HMCN1: variants seen among roughly 807,000 people sequenced by gnomAD.
HMCN1 encodes hemicentin-1.
HMCN1 carries 321 observed loss-of-function variants against 625.9 expected under a neutral mutation model. The ratio of observed to expected loss-of-function variants is 0.51; its 90% CI spans 0.47 to 0.56. The LOEUF (loss-of-function observed/expected upper bound fraction) is 0.56, where lower values mean the gene tolerates loss of function less well. Among genes scored for constraint, HMCN1 ranks in the 20% least tolerant of loss-of-function variants. The pLI is 0.00. For missense variants in HMCN1, 6,588 were observed against 6,887.3 expected, an observed-to-expected ratio of 0.96 and a Z score of 1.54; for synonymous variants, 2,425 against 2,417.6, an observed-to-expected ratio of 1.00 and a Z score of -0.09.
At chr1:185,916,123 A>T (rs11800990) in intron 6 of HMCN1, among the ~76,000 whole-genome samples, 27,655 of 151,808 alleles carry the variant, frequency 0.18, 7,489 homozygotes, top group African/African-American at 0.59. Flanking sequence ...TACATTTCCT[A>T]ATCACACATT....
intron 4 of HMCN1, among the ~76,000 whole-genome samples, chr1:185,899,045 T>TCCA (rs1558050843): frequency 6.6e-6 from 1 of 152,060 alleles, no homozygotes; most frequent in Non-Finnish European, 1.5e-5. Flanking sequence ...CCCTTCCAAG[T>TCCA]CTCTAAAAAG....
At chr1:185,982,201 TG>T in intron 17 of HMCN1, 60 bp from the exon 18 acceptor site, 1 of 1,561,138 alleles carries the variant, frequency 6.4e-7, no homozygotes. Context: ...GCCTGTGAAG[TG>T]GCTTACCTTT....
intron 8 of HMCN1, among the ~76,000 whole-genome samples, chr1:185,924,695 G>T (rs948331359): frequency 2.6e-5 from 4 of 151,582 alleles, no homozygotes; most frequent in African/African-American, 9.7e-5. Flanking sequence ...AGATATGTGG[G>T]TTCTTAAGTT....
chr1:186,187,988 A>G lies in HMCN1; in HGVS notation c.16520A>G (p.Tyr5507Cys). ...QCIDTPCPPN[Y>C]QRDPVSGFCL... is the part of the protein sequence containing the mutation. The stretch of plus-strand genomic sequence containing the variant: ...ATCGATACACCCTGTCCACCCAACT[A>G]CCAACGGGATCCTGTTTCAGGGTAT... The change falls in exon 106 of 107, where the codon TAC becomes TGC. Residue 5507 changes from tyrosine (Y) to cysteine (C), a missense_variant. By Grantham distance (194) the Tyr-to-Cys change is radical. Coordinates refer to ENST00000271588, the MANE Select transcript of HMCN1 (RefSeq NM_031935.3). 1 of 1,613,804 alleles carries G rather than the reference A, an allele frequency of 6.2e-7. No individual in the cohort carries two copies. The highest frequency in any genetic ancestry group is 8.5e-7 in the Non-Finnish European group (1 of 1,179,806).
chr1:185,979,921 C>T (rs962253248), intron 16 of HMCN1, among the ~76,000 whole-genome samples: 2 of 152,106 alleles, frequency 1.3e-5, no homozygotes, highest in African/African-American at 4.8e-5. Flanking sequence ...CCTGATTGCT[C>T]ACAAGACAAA....
chr1:185,806,510 T>A (rs1659178113), intron 1 of HMCN1, among the ~76,000 whole-genome samples: 1 of 148,652 alleles, frequency 6.7e-6, no homozygotes, highest in Non-Finnish European at 1.5e-5. Context: ...TCATGCCACT[T>A]CGCTGTAGCC....
intron 1 of HMCN1, among the ~76,000 whole-genome samples, chr1:185,841,012 G>GA (rs1661441646): frequency 6.6e-6 from 1 of 152,104 alleles, no homozygotes; most frequent in African/African-American, 2.4e-5. Context: ...AAGTGGAAAG[G>GA]AAAAAGGAAG....
chr1:185,750,794 C>T (rs1654755547), intron 1 of HMCN1, among the ~76,000 whole-genome samples: 1 of 149,350 alleles, frequency 6.7e-6, no homozygotes, highest in Admixed American at 6.7e-5. Flanking sequence ...GTTGATCTTT[C>T]CCCCTCTTTT....
chr1:185,937,266 A>T (rs1571584565), intron 11 of HMCN1, among the ~76,000 whole-genome samples: 1 of 152,298 alleles, frequency 6.6e-6, no homozygotes, highest in Non-Finnish European at 1.5e-5. Flanking sequence ...GTAATTTATA[A>T]TGAACAGAAA....
At chr1:185,995,345 GA>G in intron 24 of HMCN1, among the ~76,000 whole-genome samples, 1 of 152,194 alleles carries the variant, frequency 6.6e-6, no homozygotes, top group Non-Finnish European at 1.5e-5. Context: ...AATCCTAGAT[GA>G]TGCCCCACCC....
rs1239592900 is a variant in HMCN1, at chr1:186,145,892, G to C, written c.14577G>C (p.Gln4859His). The C allele has an allele frequency of 6.2e-7, 1 of 1,613,952 alleles. No homozygotes were observed. The highest frequency in any genetic ancestry group is 1.3e-5 in the African/African-American group (1 of 74,890). The change falls in exon 93 of 107, where the codon CAG becomes CAC. Residue 4859 changes from glutamine (Q) to histidine (H), a missense_variant. Gln to His is a conservative substitution (Grantham distance 24). This residue lies in a region of HMCN1 where 1,954 missense variants were observed against 2,013.1 expected (regional missense o/e 0.97). Transcript: ENST00000271588. ...GGRPCPGDTTQVTRCNVQACP... is the reference protein window; with the variant it reads ...GGRPCPGDTTHVTRCNVQACP... ...GTCCCTGTCCCGGAGACACTACTCA[G>C]GTGACCAGGTGCAATGTACAAGCAT...
intron 2 of HMCN1, among the ~76,000 whole-genome samples, chr1:185,849,254 A>G (rs899464848): frequency 1.3e-5 from 2 of 152,114 alleles, no homozygotes; most frequent in Non-Finnish European, 2.9e-5. Context: ...TCGCACAGAG[A>G]GTTCCTGTCT....
intron 30 of HMCN1, among the ~76,000 whole-genome samples, chr1:186,011,615 A>G: frequency 6.6e-6 from 1 of 152,224 alleles, no homozygotes. Context: ...ATTTGCCTCA[A>G]GGTGTGACAC....
At chr1:186,188,495 T>C (rs1653498562) in intron 106 of HMCN1, among the ~76,000 whole-genome samples, 1 of 152,176 alleles carries the variant, frequency 6.6e-6, no homozygotes. Flanking sequence ...TTGCTTATAT[T>C]TCCTTCTGTC....
intron 1 of HMCN1, among the ~76,000 whole-genome samples, chr1:185,758,056 G>A (rs1002337552): frequency 3.3e-5 from 5 of 152,222 alleles, no homozygotes; most frequent in Non-Finnish European, 5.9e-5. Flanking sequence ...AAGAGGCAGT[G>A]CTGAAAATGT....
chr1:186,039,999 A>G, intron 39 of HMCN1, 120 bp downstream of exon 39: 1 of 981,240 alleles, frequency 1.0e-6, no homozygotes. Context: ...TATTTTTTAA[A>G]TACACATATG....
intron 4 of HMCN1, among the ~76,000 whole-genome samples, chr1:185,879,670 G>A (rs189889170): frequency 2.2e-4 from 34 of 152,276 alleles, no homozygotes; most frequent in African/African-American, 7.5e-4. Context: ...GTGTTTTAGA[G>A]GAGCATCTGA....
intron 11 of HMCN1, among the ~76,000 whole-genome samples, chr1:185,950,219 CAA>C (rs1390304865): frequency 6.6e-6 from 1 of 150,972 alleles, no homozygotes; most frequent in East Asian, 1.9e-4. Flanking sequence ...GGAGACTCAA[CAA>C]AGAGTGAGTA....
intron 4 of HMCN1, among the ~76,000 whole-genome samples, chr1:185,883,382 A>G (rs1209804778): frequency 2.0e-5 from 3 of 152,070 alleles, no homozygotes; most frequent in Non-Finnish European, 2.9e-5. Context: ...AACCACCCTT[A>G]AAACTTCCCT....
Sources: allele counts gnomAD v4.1 joint callset (sites outside exome capture counted in the v4.1 genomes callset), GRCh38; gene constraint gnomAD v4.1.1; regional missense constraint gnomAD v4.1.1; transcripts MANE v1.5; gene names NCBI Gene and HGNC (gene_info 2026-07-23, HGNC 2026-07-21).